Variants in EYA1 observed in about 807,000 individuals in gnomAD.
The protein encoded by EYA1 is EYA transcriptional coactivator and phosphatase 1, also known as protein phosphatase EYA1.
In EYA1, 16 loss-of-function variants were observed where a neutral mutation model predicts 82.0. The observed-to-expected ratio is 0.20, with a 90% CI of 0.13 to 0.30. The LOEUF is 0.30. EYA1 is among the 10% of genes least tolerant of loss of function. The pLI is 1.00. For missense variants in EYA1, 633 were observed against 730.7 expected, an observed-to-expected ratio of 0.87 and a Z score of 1.54; for synonymous variants, 261 against 264.4, an observed-to-expected ratio of 0.99 and a Z score of 0.12.
At chr8:71,431,658 C>G (rs1052937976) in intron 2 of EYA1, among the ~76,000 whole-genome samples, 2 of 152,158 alleles carry the variant, frequency 1.3e-5, no homozygotes, top group African/African-American at 4.8e-5. Flanking sequence ...TTCCTCCCTT[C>G]TTTTTGAGGA....
At chr8:71,360,164 A>G (rs1827248566) in intron 1 of EYA1, among the ~76,000 whole-genome samples, 1 of 152,340 alleles carries the variant, frequency 6.6e-6, no homozygotes, top group Admixed American at 6.5e-5. Context: ...AGTATAGTAC[A>G]TTACTTTTTG....
intron 2 of EYA1, among the ~76,000 whole-genome samples, chr8:71,390,533 G>C (rs974075548): frequency 6.6e-6 from 1 of 152,160 alleles, no homozygotes; most frequent in African/African-American, 2.4e-5. Context: ...AAAGAGGTGA[G>C]TCAACATGCC....
chr8:71,287,568 A>G (rs1421576306), intron 9 of EYA1, among the ~76,000 whole-genome samples: 1 of 152,202 alleles, frequency 6.6e-6, no homozygotes, highest in African/African-American at 2.4e-5. Context: ...AGAAACCTCT[A>G]ATTATTCTTC....
chr8:71,313,104 G>C (rs2129017326), intron 7 of EYA1, among the ~76,000 whole-genome samples: 1 of 152,158 alleles, frequency 6.6e-6, no homozygotes, highest in East Asian at 1.9e-4. Flanking sequence ...GCTCTTCCTT[G>C]CTTCCCCACT....
intron 2 of EYA1, among the ~76,000 whole-genome samples, chr8:71,414,706 G>A (rs1020622940): frequency 1.3e-5 from 2 of 152,142 alleles, no homozygotes; most frequent in African/African-American, 4.8e-5. Context: ...AGTAAGCCAA[G>A]TCACATGGGA....
chr8:71,209,747 G>A (rs1010112092), intron 17 of EYA1, among the ~76,000 whole-genome samples: 3 of 152,162 alleles, frequency 2.0e-5, no homozygotes, highest in African/African-American at 7.2e-5. Context: ...TTCCTATGAG[G>A]GAGTGTGTAA....
chr8:71,280,211 C>A (rs1817662138), intron 9 of EYA1, among the ~76,000 whole-genome samples: 1 of 152,150 alleles, frequency 6.6e-6, no homozygotes, highest in Non-Finnish European at 1.5e-5. Context: ...AGCAGACAAG[C>A]ATACCAGTGA....
At chr8:71,496,815 T>C (rs1195125268) in intron 2 of EYA1, among the ~76,000 whole-genome samples, 2 of 152,130 alleles carry the variant, frequency 1.3e-5, no homozygotes, top group African/African-American at 4.8e-5. Flanking sequence ...CACCAATTAT[T>C]GTTGGTCAAT....
chr8:71,502,416 T>C (rs912614651), intron 2 of EYA1, among the ~76,000 whole-genome samples: 7 of 152,260 alleles, frequency 4.6e-5, no homozygotes, highest in Non-Finnish European at 7.3e-5. Context: ...TTAATCATTT[T>C]AATTCACTTG....
At chr8:71,369,190 G>A (rs1251293823) in intron 2 of EYA1, among the ~76,000 whole-genome samples, 2 of 137,890 alleles carry the variant, frequency 1.5e-5, no homozygotes, top group Admixed American at 1.5e-4. Context: ...GCAACAGAGC[G>A]AGACTCCGTC....
intron 2 of EYA1, among the ~76,000 whole-genome samples, chr8:71,479,280 A>T (rs1809917202): frequency 6.6e-6 from 1 of 151,708 alleles, no homozygotes; most frequent in African/African-American, 2.4e-5. Context: ...CACTTTCTCT[A>T]CTTCCTTCAA....
chr8:71,469,646 C>T (rs1435524218), intron 2 of EYA1, among the ~76,000 whole-genome samples: 1 of 152,024 alleles, frequency 6.6e-6, no homozygotes, highest in Admixed American at 6.6e-5. Context: ...TATCTTTTAG[C>T]ACATTTGGAC....
At position 71,268,186 on chromosome 8, in the gene EYA1, C is replaced by A. The variant is rs73684735; in HGVS notation, c.1050+1554G>T. Among the ~76,000 whole-genome samples the A allele has an allele frequency of 2.6e-5, 4 of 151,512 alleles. No individual in the cohort carries two copies. The Admixed American group carries it at 2.6e-4, about 10-fold the overall frequency. On this transcript the variant is annotated intron_variant, in intron 11 of 17. Transcript: ENST00000340726. ...AATACTCTTAGATAACTCTCTTTTG[C>A]GTCAATTTGGCCCTTAGCGAGAGCT...
chr8:71,270,257 T>G (rs1490656593), intron 10 of EYA1: 1 of 162,804 alleles, frequency 6.1e-6, no homozygotes, highest in African/African-American at 2.4e-5. Flanking sequence ...TGTTTTACTC[T>G]TAGGAAGCCA....
intron 2 of EYA1, chr8:71,404,677 G>C (rs1295025975): frequency 6.6e-6 from 1 of 152,242 alleles, no homozygotes; most frequent in African/African-American, 2.4e-5. Context: ...CCAGCACTTT[G>C]GGAGGCCAAG....
rs191186951 is a variant in EYA1 at position 71,319,709 on chromosome 8, G to T, written c.419-2020C>A. ...ACAGGGTCTAAATAAAAAGTCAAGA[G>T]TACAAGTCCTTGGAGAAAGTTTTGT... On this transcript the variant is annotated intron_variant, in intron 6 of 17. Transcript: ENST00000340726. Among the ~76,000 whole-genome samples, 158 of 152,252 alleles carry T rather than the reference G, an allele frequency of 1.0e-3. 1 individual carries two copies. The highest frequency in any genetic ancestry group is 3.6e-3 in the African/African-American group (150 of 41,558).
chr8:71,352,747 G>A (rs6988283), intron 3 of EYA1, among the ~76,000 whole-genome samples: 24,292 of 152,104 alleles, frequency 0.16, 3,760 homozygotes, highest in African/African-American at 0.41. Context: ...ATCCAACAAA[G>A]TGCAGTATTC....
At chr8:71,360,620 T>C (rs533846002) in intron 1 of EYA1, among the ~76,000 whole-genome samples, 1 of 152,286 alleles carries the variant, frequency 6.6e-6, no homozygotes, top group Non-Finnish European at 1.5e-5. Context: ...TATCAAATAT[T>C]TGATAATGCA....
intron 2 of EYA1, among the ~76,000 whole-genome samples, chr8:71,432,812 G>A (rs1227847284): frequency 6.6e-6 from 1 of 152,168 alleles, no homozygotes; most frequent in African/African-American, 2.4e-5. Context: ...TTATTCAAAT[G>A]AGTGGAACCA....
Sources: gnomAD v4.1 joint callset for allele counts (sites outside exome capture counted in the v4.1 genomes callset) on GRCh38, gnomAD v4.1.1 for gene constraint, MANE v1.5 for transcripts, NCBI Gene and HGNC (gene_info 2026-07-23, HGNC 2026-07-21) for gene names.